Variants in ARID1B observed in about 807,000 individuals in gnomAD.
ARID1B encodes the protein AT-rich interactive domain-containing protein 1B.
A neutral mutation model predicts 212.3 loss-of-function variants in ARID1B; 30 were observed. The observed-to-expected ratio is 0.14, with a 90% CI of 0.11 to 0.19. ARID1B has a LOEUF of 0.19. ARID1B is among the 10% of genes least tolerant of loss of function. ARID1B has a pLI of 1.00. For synonymous variants in ARID1B, 1,402 were observed against 1,301.7 expected (o/e 1.08, Z -1.66); for missense variants, 2,891 against 3,204.0 (o/e 0.90, Z 2.36).
At chr6:156,966,264 A>G (rs1583042823) in intron 4 of ARID1B, among the ~76,000 whole-genome samples, 1 of 152,354 alleles carries the variant, frequency 6.6e-6, no homozygotes, top group East Asian at 1.9e-4. Context: ...ATAAGATTTA[A>G]GAAGGCATAC....
In ARID1B at chr6:156,803,841, C is replaced by T. The variant is rs377199249; in HGVS notation, c.1791+24370C>T. On this transcript the variant is annotated intron_variant, in intron 1 of 19. Coordinates refer to ENST00000636930, the MANE Select transcript of ARID1B (RefSeq NM_001374828.1). ...CATTTTTCATCATGTTTAGGAAACACTTAGCCTTGTTTTCCTCATCTGCAA... is the reference window on the plus strand; with the variant it reads ...CATTTTTCATCATGTTTAGGAAACATTTAGCCTTGTTTTCCTCATCTGCAA... 1.2e-4 allele frequency among the ~76,000 whole-genome samples: 19 copies of T among 152,152 alleles called. No homozygotes were observed. The East Asian group carries it at 2.7e-3, about 22-fold the overall frequency.
At chr6:157,043,872 A>G (rs1025245082) in intron 4 of ARID1B, among the ~76,000 whole-genome samples, 41 of 152,226 alleles carry the variant, frequency 2.7e-4, no homozygotes, top group African/African-American at 9.9e-4. Flanking sequence ...GGCTTATCTT[A>G]AATATGTTCA....
At chr6:156,833,021 C>T (rs1413205822) in intron 2 of ARID1B, among the ~76,000 whole-genome samples, 1 of 152,110 alleles carries the variant, frequency 6.6e-6, no homozygotes, top group African/African-American at 2.4e-5. Context: ...AAAAACTAGT[C>T]TACTTGGGTT....
In ARID1B at chr6:156,975,813, G is replaced by T. The variant is rs147786925; in HGVS notation, c.2247+40237G>T. ...CATGTCACGAGCGTCCATGTGAAGA[G>T]ACCACCAGGCAAGCTTTACGTGAAC... On this transcript the variant is annotated intron_variant, in intron 4 of 19. Transcript: ENST00000636930. 3.1e-3 allele frequency among the ~76,000 whole-genome samples: 468 copies of T among 152,088 alleles called. 5 individuals carry two copies. The highest frequency in any genetic ancestry group is 0.011 in the African/African-American group (446 of 41,472).
chr6:156,792,193 A>T (rs1360545444), intron 1 of ARID1B, among the ~76,000 whole-genome samples: 2 of 152,184 alleles, frequency 1.3e-5, no homozygotes, highest in African/African-American at 4.8e-5. Flanking sequence ...TTTATTTGAG[A>T]GGCAAGAATG....
intron 4 of ARID1B, among the ~76,000 whole-genome samples, chr6:157,020,567 A>G (rs763669626): frequency 1.3e-5 from 2 of 152,224 alleles, no homozygotes; most frequent in Admixed American, 6.5e-5. Flanking sequence ...TTGGAGCTAT[A>G]AATAGTAGGT....
In ARID1B at chr6:156,778,426, C is replaced by T. The variant is rs1583024172; in HGVS notation, c.746C>T (p.Ala249Val). The change falls in exon 1 of 20, where the codon GCT becomes GTT. Residue 249 changes from alanine to valine, a missense_variant. Transcript: ENST00000636930. Reference protein sequence around the residue: ...QPQHGGAKDSAAGGQADPPGP... With the variant: ...QPQHGGAKDSVAGGQADPPGP... ...CAACATGGAGGCGCCAAGGACAGTG[C>T]TGCGGGCGGCCAGGCCGACCCCCCG... 1 of 1,492,006 alleles carries T rather than the reference C, an allele frequency of 6.7e-7. No individual in the cohort carries two copies. The highest frequency in any genetic ancestry group is 2.6e-5 in the East Asian group (1 of 37,944). 92.4% of individuals were successfully genotyped at this position (1,492,006 alleles called of 1,614,324 possible). A position where few individuals can be genotyped will look rare whatever the true frequency, so the allele number is the denominator to read the frequency against.
intron 2 of ARID1B, among the ~76,000 whole-genome samples, chr6:156,876,368 G>A (rs1786547219): frequency 6.6e-6 from 1 of 152,064 alleles, no homozygotes; most frequent in South Asian, 2.1e-4. Context: ...TGTGGACTTG[G>A]GCCTCGATAT....
chr6:157,207,925 A>AT lies in ARID1B; in HGVS notation c.*36dup, dbSNP rs1457372372. 6.9e-7 allele frequency: 1 copy of AT among 1,456,060 alleles called. No homozygotes were observed. Among genetic ancestry groups the AT allele is most frequent in the African/African-American group, 1.4e-5 (1 of 71,110 alleles). The allele number at this position is 1,456,060 out of a possible 1,614,324, so 90.2% of individuals were successfully genotyped here. A position where few individuals can be genotyped will look rare whatever the true frequency, so the allele number is the denominator to read the frequency against. ...AGAAGGCAAGCATGTGTGAGTGAAG[A>AT]TTAGAGGGTCACATATAACTGGCTG... is the stretch of plus-strand genomic sequence containing the variant. On this transcript the variant is annotated 3_prime_UTR_variant, in exon 20 of 20. Transcript: ENST00000636930. The surrounding 1 kb of genome is among the most constrained non-coding windows in gnomAD (Gnocchi z 8.5).
chr6:157,030,906 G>C (rs1386819326), intron 4 of ARID1B, among the ~76,000 whole-genome samples: 5 of 152,162 alleles, frequency 3.3e-5, no homozygotes, highest in Non-Finnish European at 7.3e-5. Context: ...GCAGCACGAG[G>C]CTACCGTGCG....
At chr6:156,896,576 CAAAAAAAAAAAAA>C (rs72490811) in intron 2 of ARID1B, among the ~76,000 whole-genome samples, 1 of 45,922 alleles carries the variant, frequency 2.2e-5, no homozygotes, top group East Asian at 7.4e-4. Flanking sequence ...AACTGCGTCT[CAAAAAAAAAAAAA>C]AAAAAAAAAA....
chr6:157,142,495 A>T (rs555324017), intron 7 of ARID1B, among the ~76,000 whole-genome samples: 1 of 152,152 alleles, frequency 6.6e-6, no homozygotes, highest in Admixed American at 6.5e-5. Context: ...GCATGGTAGT[A>T]CACACCTGTA....
At chr6:157,103,794 T>C (rs927114745) in intron 5 of ARID1B, among the ~76,000 whole-genome samples, 1 of 151,898 alleles carries the variant, frequency 6.6e-6, no homozygotes, top group African/African-American at 2.4e-5. Flanking sequence ...TAAGTGGCAT[T>C]TATTCCAGAA....
At chr6:156,942,889 C>G (rs1792784477) in intron 4 of ARID1B, 1 of 152,244 alleles carries the variant, frequency 6.6e-6, no homozygotes, top group African/African-American at 2.4e-5. Context: ...CAGATTTTCA[C>G]TTCGCAGGTA....
At chr6:157,011,070 AG>A (rs879874253) in intron 4 of ARID1B, among the ~76,000 whole-genome samples, 4 of 152,164 alleles carry the variant, frequency 2.6e-5, no homozygotes, top group Non-Finnish European at 4.4e-5. Flanking sequence ...GAGGGGGTGT[AG>A]AATGGGCAAA....
In ARID1B at chr6:157,134,573, G is replaced by A. The variant is rs573577190; in HGVS notation, c.2761+1366G>A. On this transcript the variant is annotated intron_variant, in intron 7 of 19. Coordinates refer to ENST00000636930, the MANE Select transcript of ARID1B (RefSeq NM_001374828.1). Reference sequence around the variant, plus strand: ...TTCCATGTTAGTAATTCCAGTAAGCGTTAGGAATTTCAGTCCCAGTTGACA... The same window carrying A: ...TTCCATGTTAGTAATTCCAGTAAGCATTAGGAATTTCAGTCCCAGTTGACA... Among the ~76,000 whole-genome samples, 45 of 152,244 alleles carry A rather than the reference G, an allele frequency of 3.0e-4. No homozygotes were observed. The South Asian group carries it at 8.5e-3, about 29-fold the overall frequency.
chr6:156,981,612 C>T (rs961435613), intron 4 of ARID1B, among the ~76,000 whole-genome samples: 7 of 152,176 alleles, frequency 4.6e-5, no homozygotes, highest in Non-Finnish European at 1.0e-4. Flanking sequence ...TTGTAGCTTG[C>T]TGTACACTGT....
intron 4 of ARID1B, among the ~76,000 whole-genome samples, chr6:157,047,099 G>A (rs1782288301): frequency 6.6e-6 from 1 of 152,156 alleles, no homozygotes; most frequent in Non-Finnish European, 1.5e-5. Flanking sequence ...AAAAAATGGT[G>A]TAATGTTGGC....
intron 5 of ARID1B, among the ~76,000 whole-genome samples, chr6:157,101,121 A>T (rs1360184708): frequency 6.6e-6 from 1 of 152,226 alleles, no homozygotes; most frequent in Non-Finnish European, 1.5e-5. Flanking sequence ...GTCAGTGGGA[A>T]GCACAAGATG....
Sources: gnomAD v4.1 joint callset for allele counts (sites outside exome capture counted in the v4.1 genomes callset) on GRCh38, gnomAD v4.1.1 for gene constraint, Gnocchi (gnomAD v3.1) non-coding constraint, MANE v1.5 for transcripts, NCBI Gene and HGNC (gene_info 2026-07-23, HGNC 2026-07-21) for gene names.